FMC1: variants seen among roughly 807,000 people sequenced by gnomAD.
FMC1 encodes formation of mitochondrial complex V assembly factor 1.
Under a neutral mutation model 10.5 loss-of-function variants are expected in FMC1, and 6 were observed. That is an observed-to-expected ratio of 0.57 (90% CI 0.31 to 1.12). FMC1 has a LOEUF of 1.12. FMC1 is among the 50% of genes most tolerant of loss of function. The pLI is 0.05. For synonymous variants in FMC1, 59 were observed against 62.1 expected (o/e 0.95, Z 0.24); for missense variants, 146 against 151.7 (o/e 0.96, Z 0.20).
At chr7:139,343,269 A>G (rs1799092778) in intron 1 of FMC1, among the ~76,000 whole-genome samples, 1 of 152,246 alleles carries the variant, frequency 6.6e-6, no homozygotes, top group Non-Finnish European at 1.5e-5. Flanking sequence ...CATAAAATTT[A>G]AATTACTAAA....
At position 139,345,909 on chromosome 7, in the gene FMC1, CT is replaced by C; in HGVS notation, c.*207del. 1 of 514,822 alleles carries C rather than the reference CT, an allele frequency of 1.9e-6. No homozygotes were observed. Among genetic ancestry groups the C allele is most frequent in the Non-Finnish European group, 3.1e-6 (1 of 325,284 alleles). 31.9% of individuals were successfully genotyped at this position (514,822 alleles called of 1,614,324 possible). A position where few individuals can be genotyped will look rare whatever the true frequency, so the allele number is the denominator to read the frequency against. The stretch of plus-strand genomic sequence containing the variant: ...GCACTAGACTGATGTTGTTTTTCTA[CT>C]TAAAAAAATTTTTTTATATTTTATT... On this transcript the variant is annotated 3_prime_UTR_variant, in exon 2 of 2. Coordinates refer to ENST00000297534, the MANE Select transcript of FMC1 (RefSeq NM_197964.5).
At chr7:139,344,699 T>C (rs28580681) in intron 1 of FMC1, among the ~76,000 whole-genome samples, 24 of 64,692 alleles carry the variant, frequency 3.7e-4, no homozygotes, top group African/African-American at 3.1e-3. Context: ...TTCTTTCTTT[T>C]TTTTTTTTTT....
intron 1 of FMC1, chr7:139,344,927 A>T (rs1193597379): frequency 6.8e-6 from 1 of 147,470 alleles, no homozygotes; most frequent in Non-Finnish European, 1.5e-5. Context: ...GTTAGCCAGG[A>T]TGGTCTCGAT....
intron 1 of FMC1, among the ~76,000 whole-genome samples, chr7:139,342,581 G>A (rs1343157018): frequency 6.6e-6 from 1 of 152,136 alleles, no homozygotes; most frequent in Admixed American, 6.5e-5. Context: ...TCCTGCCTCA[G>A]CCTCCCGAGT....
intron 1 of FMC1, among the ~76,000 whole-genome samples, chr7:139,342,411 A>G (rs1322964502): frequency 6.6e-6 from 1 of 152,152 alleles, no homozygotes; most frequent in Non-Finnish European, 1.5e-5. Context: ...TGAAAGCCCA[A>G]GGGGAGAAAA....
rs2131146453 is a variant in FMC1 at position 139,345,465 on chromosome 7, G to C, written c.139-36G>C. 7 of 1,612,848 alleles carry C rather than the reference G, an allele frequency of 4.3e-6. No homozygotes were observed. In the Middle Eastern group the frequency reaches 5.0e-4, roughly 114 times the overall value. On this transcript the variant is annotated intron_variant, in intron 1 of 1. Coordinates refer to ENST00000297534, the MANE Select transcript of FMC1 (RefSeq NM_197964.5). ...CTTTCTCTGTGGACCTGTATCTCTAGCTGGGTTAAGAATTTCTGACTTGCT... is the reference window on the plus strand; with the variant it reads ...CTTTCTCTGTGGACCTGTATCTCTACCTGGGTTAAGAATTTCTGACTTGCT...
intron 1 of FMC1, among the ~76,000 whole-genome samples, chr7:139,343,137 A>C (rs1269126241): frequency 6.6e-6 from 1 of 152,218 alleles, no homozygotes; most frequent in African/African-American, 2.4e-5. Context: ...AACCGAATCA[A>C]GAGCAGTATT....
Position 139,345,511 on chromosome 7 carries a change from A to C in FMC1, c.149A>C (p.Glu50Ala). The change falls in exon 2 of 2, where the codon GAA (glutamate) becomes GCA (alanine). Residue 50 changes from glutamate (E) to alanine (A), a missense_variant. By Grantham distance (107) the Glu-to-Ala change is moderately radical (BLOSUM62 -1). Transcript: ENST00000297534. Reference protein sequence around the residue: ...KAFRAHRVTSEKLCRAQHELH... With the variant: ...KAFRAHRVTSAKLCRAQHELH... ...TTGCTGCTTCTCTAGGTCACCAGTG[A>C]AAAGTTGTGCAGAGCCCAACATGAG... The C allele has an allele frequency of 6.2e-7, 1 of 1,614,216 alleles. No homozygotes were observed. The highest frequency in any genetic ancestry group is 1.3e-5 in the African/African-American group (1 of 75,054).
At chr7:139,341,596 GCA>G in intron 1 of FMC1, 74 bp downstream of exon 1, 1 of 1,559,304 alleles carries the variant, frequency 6.4e-7, no homozygotes. Flanking sequence ...AGGGTGGGGA[GCA>G]CGGTGTTTAA....
At chr7:139,342,216 C>T (rs1799017461) in intron 1 of FMC1, among the ~76,000 whole-genome samples, 1 of 152,106 alleles carries the variant, frequency 6.6e-6, no homozygotes, top group Non-Finnish European at 1.5e-5. Context: ...TGCTGCCCAC[C>T]TAAGGAGCCA....
chr7:139,340,481 C>T (rs1011736996), upstream of FMC1: 12 of 398,448 alleles, frequency 3.0e-5, no homozygotes, highest in Admixed American at 4.8e-4. Flanking sequence ...CGTGCGCGCG[C>T]CCGTTCAACG....
intron 1 of FMC1, among the ~76,000 whole-genome samples, chr7:139,342,587 C>G (rs1022719045): frequency 6.6e-6 from 1 of 152,088 alleles, no homozygotes; most frequent in Non-Finnish European, 1.5e-5. Context: ...CTCAGCCTCC[C>G]GAGTAGTACA....
intron 1 of FMC1, chr7:139,344,869 ATT>A (rs11421635): frequency 1.1e-4 from 15 of 132,660 alleles, no homozygotes; most frequent in Admixed American, 1.5e-4. Context: ...CACCCGGCTA[ATT>A]TTTTTTTTTT....
chr7:139,340,638 G>A, upstream of FMC1: 1 of 396,832 alleles, frequency 2.5e-6, no homozygotes, highest in East Asian at 3.6e-5. Context: ...AAAATGAAGT[G>A]ACGATGACGT....
In FMC1 at chr7:139,341,476, A is replaced by G; in HGVS notation, c.92A>G (p.Asp31Gly). The change falls in exon 1 of 2, where the codon GAC becomes GGC. Residue 31 changes from aspartate (D) to glycine (G), a missense_variant. Physicochemically the swap from Asp to Gly is moderately conservative, Grantham distance 94. Transcript: ENST00000297534. Reference protein sequence around the residue: ...LSAATGRPYRDTAAYRYLVKA... With the variant: ...LSAATGRPYRGTAAYRYLVKA... ...GCGGCCACCGGCCGACCCTATCGCG[A>G]CACCGCGGCCTATCGGTACCTTGTG... The G allele has an allele frequency of 3.7e-6, 6 of 1,613,730 alleles. 1 individual carries two copies. In the South Asian group the frequency reaches 5.5e-5, roughly 15 times the overall value.
intron 1 of FMC1, among the ~76,000 whole-genome samples, chr7:139,341,850 CT>C (rs1288869758): frequency 6.6e-6 from 1 of 152,168 alleles, no homozygotes; most frequent in Non-Finnish European, 1.5e-5. Context: ...GGATTCAATG[CT>C]GGGGATAAAA....
At chr7:139,343,925 CCAA>C (rs1304091378) in intron 1 of FMC1, among the ~76,000 whole-genome samples, 4 of 126,506 alleles carry the variant, frequency 3.2e-5, no homozygotes, top group African/African-American at 1.1e-4. Flanking sequence ...GACCCTGTCC[CCAA>C]AAAAAAAAAA....
Position 139,343,922 on chromosome 7 carries a change from TC to T in FMC1, c.139-1575del, listed in dbSNP as rs371902805. ...GCCTGGGCAACAAAGTGAGACCCTG[TC>T]CCCAAAAAAAAAAAAAAAAAAAAGA... On this transcript the variant is annotated intron_variant, in intron 1 of 1. Coordinates refer to ENST00000297534, the MANE Select transcript of FMC1 (RefSeq NM_197964.5). Among the ~76,000 whole-genome samples the T allele has an allele frequency of 8.4e-4, 59 of 70,020 alleles. 2 individuals are homozygous for T. The highest frequency in any genetic ancestry group is 2.1e-3 in the African/African-American group (18 of 8,480). 45.9% of individuals were successfully genotyped at this position (70,020 alleles called of 152,430 possible). A position where few individuals can be genotyped will look rare whatever the true frequency, so the allele number is the denominator to read the frequency against.
chr7:139,341,596 G>T, intron 1 of FMC1, 74 bp downstream of exon 1: 1 of 1,559,304 alleles, frequency 6.4e-7, no homozygotes, highest in Non-Finnish European at 8.7e-7. Flanking sequence ...AGGGTGGGGA[G>T]CACGGTGTTT....
Sources: allele counts gnomAD v4.1 joint callset (sites outside exome capture counted in the v4.1 genomes callset), GRCh38; gene constraint gnomAD v4.1.1; transcripts MANE v1.5; gene names NCBI Gene and HGNC (gene_info 2026-07-23, HGNC 2026-07-21).